The following RPS4Y1 variants were observed in gnomAD, a reference collection of about 807,000 sequenced individuals.
RPS4Y1 encodes the protein ribosomal protein S4 Y-linked 1.
For missense variants in RPS4Y1, 30 were observed against 60.9 expected, an observed-to-expected ratio of 0.49 and a Z score of 1.69; for synonymous variants, 23 against 20.8, an observed-to-expected ratio of 1.10 and a Z score of -0.28.
intron 4 of RPS4Y1, among the ~76,000 whole-genome samples, chrY:2,851,292 C>T: frequency 3.0e-5 from 1 of 33,505 alleles, no homozygotes; most frequent in South Asian, 6.6e-4. Flanking sequence ...AGGTAAAGTG[C>T]AAGTTACTCT....
chrY:2,847,012 C>T (rs527655812), intron 4 of RPS4Y1, among the ~76,000 whole-genome samples: 3 of 33,754 alleles, frequency 8.9e-5, no homozygotes, highest in East Asian at 7.8e-4. Flanking sequence ...CCCTGGGTTA[C>T]GGTATTGGCC....
At chrY:2,849,119 CA>C (rs2051154560) in intron 4 of RPS4Y1, among the ~76,000 whole-genome samples, 1 of 33,460 alleles carries the variant, frequency 3.0e-5, no homozygotes, top group Non-Finnish European at 7.4e-5. Flanking sequence ...TTGTTCCTTT[CA>C]ATGGCTGTTT....
chrY:2,849,934 T>TG (rs2051155150), intron 4 of RPS4Y1, among the ~76,000 whole-genome samples: 2 of 34,272 alleles, frequency 5.8e-5, no homozygotes, highest in Non-Finnish European at 1.5e-4. Context: ...GTTTTTAGCC[T>TG]GCCTTAGTCC....
intron 5 of RPS4Y1, among the ~76,000 whole-genome samples, chrY:2,863,995 T>C: frequency 3.0e-5 from 1 of 33,796 alleles, no homozygotes; most frequent in Admixed American, 2.7e-4. Context: ...AAAACACATA[T>C]AAGCAGCTGG....
At position 2,845,705 on chromosome Y, in the gene RPS4Y1, C is replaced by T; in HGVS notation, c.322C>T (p.Arg108Cys). The T allele has an allele frequency of 1.3e-5, 5 of 396,966 alleles. No homozygotes were observed. The highest frequency in any genetic ancestry group is 1.8e-5 in the Non-Finnish European group (5 of 281,810). Residue 108 changes from arginine to cysteine, a missense_variant, in exon 4 of 7, where the codon CGT (arginine) becomes TGT (cysteine). Arg to Cys is a radical substitution (Grantham distance 180). Coordinates refer to ENST00000250784, the MANE Select transcript of RPS4Y1 (RefSeq NM_001008.4). ...CCGCCTGGTCTATGACACCAAGGGC[C>T]GTTTTGCTGTTCACCGCATCACAGT... ...HFRLVYDTKGRFAVHRITVEE... is the reference protein window; with the variant it reads ...HFRLVYDTKGCFAVHRITVEE...
chrY:2,852,076 C>G, intron 4 of RPS4Y1, among the ~76,000 whole-genome samples: 1 of 33,716 alleles, frequency 3.0e-5, no homozygotes, highest in Non-Finnish European at 7.3e-5. Context: ...TGCTCTCCTT[C>G]TGCCACCATT....
At chrY:2,852,571 A>G in intron 4 of RPS4Y1, among the ~76,000 whole-genome samples, 1 of 34,072 alleles carries the variant, frequency 2.9e-5, no homozygotes, top group Non-Finnish European at 7.3e-5. Flanking sequence ...AAAGCTGGAA[A>G]TGATCTTGAG....
At chrY:2,851,976 C>T in intron 4 of RPS4Y1, among the ~76,000 whole-genome samples, 1 of 33,563 alleles carries the variant, frequency 3.0e-5, no homozygotes, top group Non-Finnish European at 7.4e-5. Flanking sequence ...ACATTACCTT[C>T]ATTACACTTG....
chrY:2,866,470 T>C (rs2051167659), intron 6 of RPS4Y1, among the ~76,000 whole-genome samples: 1 of 34,092 alleles, frequency 2.9e-5, no homozygotes, highest in East Asian at 7.7e-4. Flanking sequence ...ACTTCAAAAC[T>C]ATGAGAACCT....
At chrY:2,849,523 G>A (rs2051154757) in intron 4 of RPS4Y1, among the ~76,000 whole-genome samples, 1 of 33,734 alleles carries the variant, frequency 3.0e-5, no homozygotes, top group African/African-American at 1.2e-4. Context: ...TTTCTCACTT[G>A]CCAGTGGTGA....
intron 4 of RPS4Y1, among the ~76,000 whole-genome samples, chrY:2,850,425 A>G (rs2051155444): frequency 2.9e-5 from 1 of 34,244 alleles, no homozygotes; most frequent in East Asian, 7.6e-4. Context: ...CCTGACTGTC[A>G]GCAGTACCTG....
chrY:2,848,914 C>G (rs754522854), intron 4 of RPS4Y1, among the ~76,000 whole-genome samples: 383 of 31,258 alleles, frequency 0.012, no homozygotes, highest in African/African-American at 0.046. Context: ...ATCCCTGGCC[C>G]CCTCCCAACC....
At chrY:2,864,307 GT>G (rs2051165496) in intron 5 of RPS4Y1, among the ~76,000 whole-genome samples, 1 of 32,666 alleles carries the variant, frequency 3.1e-5, no homozygotes, top group East Asian at 7.9e-4. Flanking sequence ...TTTGTGTTTT[GT>G]TTTGTTAGTA....
At chrY:2,861,567 A>G in intron 5 of RPS4Y1, among the ~76,000 whole-genome samples, 1 of 27,293 alleles carries the variant, frequency 3.7e-5, no homozygotes, top group Non-Finnish European at 8.4e-5. Flanking sequence ...TGTTGTAACA[A>G]CTGTCTCATA....
chrY:2,861,171 C>G, intron 5 of RPS4Y1, among the ~76,000 whole-genome samples: 1 of 33,159 alleles, frequency 3.0e-5, no homozygotes, highest in African/African-American at 1.2e-4. Context: ...CAATTGTATT[C>G]AGTTCCAGAG....
At chrY:2,864,576 C>G in intron 5 of RPS4Y1, among the ~76,000 whole-genome samples, 1 of 33,482 alleles carries the variant, frequency 3.0e-5, no homozygotes, top group East Asian at 7.9e-4. Flanking sequence ...AAAAATAACT[C>G]TAGATGTCTG....
At chrY:2,862,024 T>G in intron 5 of RPS4Y1, among the ~76,000 whole-genome samples, 3 of 31,945 alleles carry the variant, frequency 9.4e-5, no homozygotes, top group Non-Finnish European at 2.3e-4. Flanking sequence ...AATGCAAGGA[T>G]TACTGGCATG....
chrY:2,867,038 C>T lies in RPS4Y1; in HGVS notation c.*144C>T. The T allele has an allele frequency of 6.4e-6, 1 of 155,683 alleles. No homozygotes were observed. Among genetic ancestry groups the T allele is most frequent in the Non-Finnish European group, 1.2e-5 (1 of 80,493 alleles). 38.8% of individuals were successfully genotyped at this position (155,683 alleles called of 400,897 possible). ...CACTGTCTTAAGATCTCTAGGAATA[C>T]CACCTATACTTCCTCTGACCCTCCA... On this transcript the variant is annotated 3_prime_UTR_variant, in exon 7 of 7. Transcript: ENST00000250784.
intron 4 of RPS4Y1, among the ~76,000 whole-genome samples, chrY:2,846,730 G>A (rs2051152915): frequency 3.0e-5 from 1 of 33,613 alleles, no homozygotes; most frequent in African/African-American, 1.2e-4. Flanking sequence ...AGTCGCGTAG[G>A]GTGTTGGATT....
Sources: allele counts gnomAD v4.1 joint callset (sites outside exome capture counted in the v4.1 genomes callset), GRCh38; gene constraint gnomAD v4.1.1; transcripts MANE v1.5; gene names NCBI Gene and HGNC (gene_info 2026-07-23, HGNC 2026-07-21).